STXBP5: variants seen among roughly 807,000 people sequenced by gnomAD.
STXBP5 encodes syntaxin-binding protein 5.
STXBP5 carries 50 observed loss-of-function variants against 152.4 expected under a neutral mutation model. The ratio of observed to expected loss-of-function variants is 0.33; its 90% CI spans 0.26 to 0.42. STXBP5 has a LOEUF of 0.42. Among genes scored for constraint, STXBP5 ranks in the 10% least tolerant of loss-of-function variants. The pLI is 1.00. For missense variants in STXBP5, 1,167 were observed against 1,388.6 expected (o/e 0.84, Z 2.54); for synonymous variants, 492 against 494.7 (o/e 0.99, Z 0.07).
intron 2 of STXBP5, among the ~76,000 whole-genome samples, chr6:147,220,397 A>G (rs1777399828): frequency 6.6e-6 from 1 of 152,104 alleles, no homozygotes. Context: ...CTAGTTGGTA[A>G]AGAATGGTGT....
intron 25 of STXBP5, among the ~76,000 whole-genome samples, chr6:147,366,070 GA>G (rs1020906568): frequency 6.6e-6 from 1 of 152,162 alleles, no homozygotes; most frequent in Non-Finnish European, 1.5e-5. Flanking sequence ...GGCACAGGGC[GA>G]AGGTACTAAG....
At chr6:147,359,879 G>C (rs1198357615) in intron 23 of STXBP5, among the ~76,000 whole-genome samples, 4 of 151,746 alleles carry the variant, frequency 2.6e-5, no homozygotes, top group Non-Finnish European at 4.4e-5. Flanking sequence ...ATTTGGGTTG[G>C]TTCCAGCAAC....
intron 8 of STXBP5, among the ~76,000 whole-genome samples, chr6:147,279,644 A>G (rs982248163): frequency 1.3e-5 from 2 of 152,090 alleles, no homozygotes; most frequent in Admixed American, 1.3e-4. Flanking sequence ...AAGCACTTAC[A>G]TGAAATTCCC....
intron 9 of STXBP5, among the ~76,000 whole-genome samples, chr6:147,299,909 T>C (rs991465639): frequency 2.6e-5 from 4 of 152,038 alleles, no homozygotes; most frequent in East Asian, 1.9e-4. Flanking sequence ...TTTATTTATA[T>C]AGAAAATCCT....
chr6:147,383,829 A>G (rs1387354143), intron 27 of STXBP5, among the ~76,000 whole-genome samples: 1 of 152,070 alleles, frequency 6.6e-6, no homozygotes, highest in Non-Finnish European at 1.5e-5. Context: ...GCGGAAATCT[A>G]GAATGCATGA....
rs779091641 is a variant in STXBP5 at position 147,235,756 on chromosome 6, TTAAA to T, written c.330+429_330+432del. Among the ~76,000 whole-genome samples the T allele has an allele frequency of 6.5e-4, 99 of 152,200 alleles. 1 individual carries two copies. Among genetic ancestry groups the T allele is most frequent in the Non-Finnish European group, 1.2e-3 (82 of 68,014 alleles). On this transcript the variant is annotated intron_variant, in intron 3 of 27. Coordinates refer to ENST00000321680, the MANE Select transcript of STXBP5 (RefSeq NM_001127715.4). Reference sequence around the variant, plus strand: ...AGAAAGTAGTTTCTGCCCAGAGTTCTTAAATAACACCCAAATGTGTCACTTAATT... The same window carrying T: ...AGAAAGTAGTTTCTGCCCAGAGTTCTTAACACCCAAATGTGTCACTTAATT...
intron 4 of STXBP5, among the ~76,000 whole-genome samples, chr6:147,252,134 A>G (rs1190725227): frequency 6.6e-6 from 1 of 152,174 alleles, no homozygotes; most frequent in East Asian, 1.9e-4. Flanking sequence ...AACCAGCACA[A>G]AAAGGCTGAA....
At chr6:147,284,302 A>T (rs1780849833) in intron 8 of STXBP5, among the ~76,000 whole-genome samples, 2 of 152,154 alleles carry the variant, frequency 1.3e-5, no homozygotes, top group Admixed American at 6.5e-5. Context: ...TATGTTCCTC[A>T]TCCTAACTGG....
Position 147,359,269 on chromosome 6 carries a change from C to G in STXBP5, c.2491C>G (p.Leu831Val). Residue 831 changes from leucine (L) to valine (V), a missense_variant, in exon 23 of 28, where the codon CTT becomes GTT. Physicochemically the swap from Leu to Val is conservative, Grantham distance 32. Transcript: ENST00000321680. Reference protein sequence around the residue: ...LGTVLVIALNLPPGGEQRLLQ... With the variant: ...LGTVLVIALNVPPGGEQRLLQ... ...AACAGTGCTTGTCATTGCACTGAAC[C>G]TTCCCCCAGGGGGAGAGCAAAGACT... 1 of 1,614,020 alleles carries G rather than the reference C, an allele frequency of 6.2e-7. No homozygotes were observed. The highest frequency in any genetic ancestry group is 1.1e-5 in the South Asian group (1 of 91,076).
intron 3 of STXBP5, among the ~76,000 whole-genome samples, chr6:147,236,487 T>G (rs1306688656): frequency 6.6e-6 from 1 of 152,184 alleles, no homozygotes; most frequent in Admixed American, 6.5e-5. Context: ...AGTTACATTT[T>G]ATATAACAAT....
At chr6:147,266,843 T>A (rs888491939) in intron 6 of STXBP5, among the ~76,000 whole-genome samples, 1 of 152,140 alleles carries the variant, frequency 6.6e-6, no homozygotes, top group Non-Finnish European at 1.5e-5. Context: ...AAAATGGTAC[T>A]GTTTTTGTTT....
chr6:147,311,642 C>A (rs530164524), intron 11 of STXBP5, 115 bp downstream of exon 11: 2 of 741,492 alleles, frequency 2.7e-6, no homozygotes, highest in Non-Finnish European at 4.3e-6. Context: ...TATCCATAAC[C>A]TTGACCTCTT....
chr6:147,237,116 A>T (rs1028582355), intron 3 of STXBP5, among the ~76,000 whole-genome samples: 4 of 152,076 alleles, frequency 2.6e-5, no homozygotes, highest in Non-Finnish European at 5.9e-5. Flanking sequence ...TATTTTTTAA[A>T]TCAACATTTG....
intron 8 of STXBP5, among the ~76,000 whole-genome samples, chr6:147,282,281 C>T (rs2128344054): frequency 6.6e-6 from 1 of 152,260 alleles, no homozygotes; most frequent in Non-Finnish European, 1.5e-5. Context: ...TAAAGATGAG[C>T]ATTTTTCTTC....
At position 147,373,836 on chromosome 6, in the gene STXBP5, G is replaced by A; in HGVS notation, c.3187G>A (p.Glu1063Lys). 1 of 1,608,144 alleles carries A rather than the reference G, an allele frequency of 6.2e-7. No homozygotes were observed. Among genetic ancestry groups the A allele is most frequent in the Non-Finnish European group, 8.5e-7 (1 of 1,175,006 alleles). Residue 1063 changes from glutamate (E) to lysine (K), a missense_variant, in exon 26 of 28, where the codon GAA becomes AAA. Glu to Lys is a moderately conservative substitution (Grantham distance 56). Transcript: ENST00000321680. ...TGGTGCACAATCTCTTGACAGAGAA[G>A]AACTATGTAAGTTGATTTATTTAAT... ...GGGAQSLDRE[E>K]LFGESSSGKA...
chr6:147,288,174 T>C (rs966805475), intron 8 of STXBP5, among the ~76,000 whole-genome samples: 1 of 152,196 alleles, frequency 6.6e-6, no homozygotes, highest in African/African-American at 2.4e-5. Context: ...CAGATTGCTA[T>C]TGTTCTGGAA....
intron 19 of STXBP5, among the ~76,000 whole-genome samples, chr6:147,336,577 T>A (rs1582962859): frequency 1.3e-5 from 2 of 152,116 alleles, no homozygotes; most frequent in Admixed American, 1.3e-4. Flanking sequence ...TTAAAAAACA[T>A]AAAAATTAGT....
intron 18 of STXBP5, among the ~76,000 whole-genome samples, chr6:147,330,771 G>A (rs1353090685): frequency 2.0e-5 from 3 of 152,144 alleles, no homozygotes; most frequent in Admixed American, 6.5e-5. Context: ...GAACCAGACA[G>A]GTAGAAGTGA....
intron 4 of STXBP5, among the ~76,000 whole-genome samples, chr6:147,244,766 T>G (rs1411343489): frequency 6.6e-6 from 1 of 152,166 alleles, no homozygotes; most frequent in Non-Finnish European, 1.5e-5. Context: ...TGGTTTTCCT[T>G]CAACACTTTG....
Sources: gnomAD v4.1 joint callset for allele counts (sites outside exome capture counted in the v4.1 genomes callset) on GRCh38, gnomAD v4.1.1 for gene constraint, MANE v1.5 for transcripts, NCBI Gene and HGNC (gene_info 2026-07-23, HGNC 2026-07-21) for gene names.